Variants in RPL30 observed in about 807,000 individuals in gnomAD.
RPL30 encodes the protein large ribosomal subunit protein eL30.
For synonymous variants in RPL30, 40 were observed against 50.4 expected, an observed-to-expected ratio of 0.79 and a Z score of 0.87; for missense variants, 60 against 138.0, an observed-to-expected ratio of 0.43 and a Z score of 2.83.
intron 4 of RPL30, chr8:98,042,390 C>G (rs1814393078): frequency 6.8e-6 from 3 of 443,226 alleles, no homozygotes; most frequent in Non-Finnish European, 1.2e-5. Flanking sequence ...AAATCTATGT[C>G]ATTATTTCAT....
intron 3 of RPL30, chr8:98,044,585 C>T (rs2130483036): frequency 5.0e-6 from 1 of 198,808 alleles, no homozygotes; most frequent in South Asian, 1.2e-4. Context: ...GACACTAAAA[C>T]AAGTTCACAC....
chr8:98,044,753 C>A (rs905713454), intron 3 of RPL30, 190 bp downstream of exon 3: 2 of 587,040 alleles, frequency 3.4e-6, no homozygotes, highest in Admixed American at 3.4e-5. Flanking sequence ...AAAATAAGCT[C>A]ACAGAAGGGG....
chr8:98,043,210 TCC>T (rs1814411841), intron 3 of RPL30: 2 of 152,534 alleles, frequency 1.3e-5, no homozygotes, highest in Non-Finnish European at 2.9e-5. Context: ...CACTGCAACT[TCC>T]ACCTCCCGAG....
Position 98,045,506 on chromosome 8 carries a change from A to G in RPL30, c.-33+2T>C. ...AACCTCGGTCGGTAGGAGCCCACTCACCAACAGCAGCCGCTAAGATGGCCG... is the reference window on the plus strand; with the variant it reads ...AACCTCGGTCGGTAGGAGCCCACTCGCCAACAGCAGCCGCTAAGATGGCCG... On this transcript the variant is annotated splice_donor_variant, in intron 1 of 4. Coordinates refer to ENST00000287038, the MANE Select transcript of RPL30 (RefSeq NM_000989.4). LOFTEE classifies it low-confidence loss of function (5UTR_SPLICE). The G allele has an allele frequency of 1.2e-6, 1 of 828,766 alleles. No homozygotes were observed. The highest frequency in any genetic ancestry group is 1.5e-5 in the South Asian group (1 of 67,840). 51.3% of individuals were successfully genotyped at this position (828,766 alleles called of 1,614,324 possible). A position where few individuals can be genotyped will look rare whatever the true frequency, so the allele number is the denominator to read the frequency against.
At chr8:98,042,394 A>G (rs1814393170) in intron 4 of RPL30, 2 of 449,362 alleles carry the variant, frequency 4.5e-6, no homozygotes, top group African/African-American at 4.0e-5. Flanking sequence ...CTATGTCATT[A>G]TTTCATAGGT....
intron 3 of RPL30, chr8:98,043,018 C>A: frequency 3.0e-6 from 1 of 335,006 alleles, no homozygotes; most frequent in Non-Finnish European, 5.4e-6. Context: ...AAGACAGTAT[C>A]AATACTCACG....
At position 98,042,245 on chromosome 8, in the gene RPL30, G is replaced by A. The variant is rs563326349; in HGVS notation, c.299-395C>T. On this transcript the variant is annotated intron_variant, in intron 4 of 4. Coordinates refer to ENST00000287038, the MANE Select transcript of RPL30 (RefSeq NM_000989.4). ...TTCTATGAATCAAAGATTCACAATTGGAAAACAGAATGATGTAGATTTTTT... is the reference window on the plus strand; with the variant it reads ...TTCTATGAATCAAAGATTCACAATTAGAAAACAGAATGATGTAGATTTTTT... 3.2e-5 allele frequency: 17 copies of A among 523,556 alleles called. No individual in the cohort carries two copies. The African/African-American group carries it at 3.3e-4, about 10-fold the overall frequency. 32.4% of individuals were successfully genotyped at this position (523,556 alleles called of 1,614,324 possible).
intron 4 of RPL30, 106 bp from the exon 5 acceptor site, chr8:98,041,956 G>T (rs1477699836): frequency 3.6e-6 from 3 of 844,106 alleles, no homozygotes; most frequent in Non-Finnish European, 5.8e-6. Flanking sequence ...ACAATGGTCT[G>T]CAAATTAGCA....
At chr8:98,041,980 A>G (rs1814384057) in intron 4 of RPL30, 130 bp from the exon 5 acceptor site, 1 of 734,028 alleles carries the variant, frequency 1.4e-6, no homozygotes, top group Admixed American at 2.1e-5. Context: ...ACTTTTTGCA[A>G]AAGTTATCAC....
Position 98,045,384 on chromosome 8 carries a change from C to G in RPL30, c.-17G>C. On this transcript the variant is annotated 5_prime_UTR_variant, in exon 2 of 5. Coordinates refer to ENST00000287038, the MANE Select transcript of RPL30 (RefSeq NM_000989.4). ...GGCCACCATCTTCCTGCCTTAGGAG[C>G]GGGACGGCCCCCAACCTAGAAGAGA... 6.2e-7 allele frequency: 1 copy of G among 1,614,134 alleles called. No homozygotes were observed. Among genetic ancestry groups the G allele is most frequent in the Non-Finnish European group, 8.5e-7 (1 of 1,180,014 alleles).
In RPL30 at chr8:98,041,828, G is replaced by T; in HGVS notation, c.321C>A (p.Ser107Arg). ...IDPGDSDIIR[S>R]MPEQTGEK ...ACTTTTCACCAGTCTGTTCTGGCATGCTTCTAATGATGTCAGAGTCACCTA... is the reference window on the plus strand; with the variant it reads ...ACTTTTCACCAGTCTGTTCTGGCATTCTTCTAATGATGTCAGAGTCACCTA... Residue 107 changes from serine (S) to arginine (R), a missense_variant, in exon 5 of 5, where the codon AGC becomes AGA. By Grantham distance (110) the Ser-to-Arg change is moderately radical. Transcript: ENST00000287038. 6.2e-7 allele frequency: 1 copy of T among 1,603,158 alleles called. No homozygotes were observed.
intron 4 of RPL30, chr8:98,042,374 T>G (rs1279382069): frequency 4.7e-6 from 2 of 426,792 alleles, no homozygotes; most frequent in Non-Finnish European, 4.3e-6. Context: ...AATTTCACCT[T>G]TTACCAAATC....
In RPL30 at chr8:98,041,901, A is replaced by T. The variant is rs1386781560; in HGVS notation, c.299-51T>A. The T allele has an allele frequency of 6.3e-6, 8 of 1,260,070 alleles. No homozygotes were observed. The Admixed American group carries it at 1.5e-4, about 24-fold the overall frequency. 78.1% of individuals were successfully genotyped at this position (1,260,070 alleles called of 1,614,324 possible). A position where few individuals can be genotyped will look rare whatever the true frequency, so the allele number is the denominator to read the frequency against. On this transcript the variant is annotated intron_variant, in intron 4 of 4. Transcript: ENST00000287038. ...TAATTTTACAATTCATTTAATAGCA[A>T]CTGGTACCATAAAATTTCTCTACCT... is the stretch of plus-strand genomic sequence containing the variant.
rs757350502 is a variant in RPL30, at chr8:98,042,779, T to G, written c.168-4A>C. 2 of 1,557,074 alleles carry G rather than the reference T, an allele frequency of 1.3e-6. No individual in the cohort carries two copies. Among genetic ancestry groups the G allele is most frequent in the East Asian group, 2.3e-5 (1 of 43,428 alleles). ...ATAGTACTCTATTTCAGATTTCCTT[T>G]GGGAACCAAAATGGGCAAATAAATA... On this transcript the variant is annotated splice_polypyrimidine_tract_variant and splice_region_variant and intron_variant, in intron 3 of 4. Coordinates refer to ENST00000287038, the MANE Select transcript of RPL30 (RefSeq NM_000989.4).
rs779141712 is a variant in RPL30 at position 98,044,951 on chromosome 8, T to G, written c.159A>C (p.Pro53=). The change falls in exon 3 of 5, where the codon CCA becomes CCC. Residue 53 remains proline, a synonymous_variant. Coordinates refer to ENST00000287038, the MANE Select transcript of RPL30 (RefSeq NM_000989.4). ...TCAGTCTCTTCGATTACCTCAAAGC[T>G]GGGCAGTTGTTAGCGAGAATGACCA... The part of the protein sequence containing the change: ...AKLVILANNC[P]ALRKSEIEYY... 1 of 1,613,236 alleles carries G rather than the reference T, an allele frequency of 6.2e-7. No homozygotes were observed. The highest frequency in any genetic ancestry group is 8.5e-7 in the Non-Finnish European group (1 of 1,179,944).
At chr8:98,045,200 A>T (rs1814454281) in intron 2 of RPL30, 112 bp from the exon 3 acceptor site, 1 of 1,536,282 alleles carries the variant, frequency 6.5e-7, no homozygotes, top group Non-Finnish European at 8.9e-7. Flanking sequence ...GAGGACCCCA[A>T]GTCATTGAGA....
chr8:98,044,500 G>C (rs1814439778), intron 3 of RPL30: 1 of 160,640 alleles, frequency 6.2e-6, no homozygotes, highest in African/African-American at 2.4e-5. Flanking sequence ...AACTGATTTA[G>C]CGGGCTAAAC....
chr8:98,044,234 G>A (rs1039617891), intron 3 of RPL30: 5 of 152,232 alleles, frequency 3.3e-5, no homozygotes, highest in South Asian at 2.1e-4. Flanking sequence ...CACTACTATA[G>A]AAGACAGGCT....
intron 3 of RPL30, chr8:98,044,579 C>G (rs1360130716): frequency 1.6e-5 from 3 of 193,060 alleles, no homozygotes; most frequent in Admixed American, 6.0e-5. Flanking sequence ...TTTTTTGACA[C>G]TAAAACAAGT....
Sources: allele counts gnomAD v4.1 joint callset, GRCh38; gene constraint gnomAD v4.1.1; transcripts MANE v1.5; gene names NCBI Gene and HGNC (gene_info 2026-07-23, HGNC 2026-07-21).